PDE1A: variants seen among roughly 807,000 people sequenced by gnomAD.
The protein encoded by PDE1A is phosphodiesterase 1A, also known as dual specificity calcium/calmodulin-dependent 3',5'-cyclic nucleotide phosphodiesterase 1A.
PDE1A carries 35 observed loss-of-function variants against 61.7 expected under a neutral mutation model. That is an observed-to-expected ratio of 0.57 (90% CI 0.43 to 0.75). The LOEUF (loss-of-function observed/expected upper bound fraction) is 0.75, where lower values mean the gene tolerates loss of function less well. Among genes scored for constraint, PDE1A ranks in the 30% least tolerant of loss-of-function variants. The pLI is 0.00. For missense variants in PDE1A, 597 were observed against 630.6 expected (o/e 0.95, Z 0.57); for synonymous variants, 232 against 213.2 (o/e 1.09, Z -0.77).
At chr2:182,371,176 C>T (rs557286494) in intron 1 of PDE1A, among the ~76,000 whole-genome samples, 20 of 151,924 alleles carry the variant, frequency 1.3e-4, no homozygotes, top group Non-Finnish European at 2.8e-4. Context: ...AAAAAGACTA[C>T]GAAAAAAGTA....
chr2:182,145,546 G>A (rs1411814036), downstream of PDE1A, among the ~76,000 whole-genome samples: 1 of 151,884 alleles, frequency 6.6e-6, no homozygotes, highest in African/African-American at 2.4e-5. Context: ...TGGGCAACAC[G>A]CTGAAACCCT....
chr2:182,589,450 C>T, the PDE1A span, among the ~76,000 whole-genome samples: 2 of 151,654 alleles, frequency 1.3e-5, no homozygotes, highest in Admixed American at 6.6e-5. Context: ...ATAATAATAC[C>T]CTTAAAGAAA....
At chr2:182,361,569 T>C (rs915452131) in intron 1 of PDE1A, among the ~76,000 whole-genome samples, 5 of 152,100 alleles carry the variant, frequency 3.3e-5, no homozygotes, top group African/African-American at 1.2e-4. Flanking sequence ...CTTTAATTTC[T>C]ACACACACAG....
At chr2:182,527,373 TACAC>T (rs1559543492), upstream of PDE1A, among the ~76,000 whole-genome samples, 13 of 64,986 alleles carry the variant, frequency 2.0e-4, no homozygotes, top group African/African-American at 4.6e-4. Flanking sequence ...TATATATATA[TACAC>T]ATATATATAT....
At chr2:182,281,676 C>T (rs921667610) in intron 1 of PDE1A, among the ~76,000 whole-genome samples, 5 of 151,928 alleles carry the variant, frequency 3.3e-5, no homozygotes, top group Non-Finnish European at 5.9e-5. Context: ...TGATAAATAT[C>T]AGTGTGTCCA....
chr2:182,376,143 C>T (rs12621190), intron 1 of PDE1A, among the ~76,000 whole-genome samples: 30,841 of 152,240 alleles, frequency 0.2, 3,556 homozygotes, highest in East Asian at 0.45. Context: ...TAACATTTGG[C>T]TCCTTGTTAC....
the PDE1A span, among the ~76,000 whole-genome samples, chr2:182,605,837 GA>G: frequency 6.6e-6 from 1 of 152,176 alleles, no homozygotes; most frequent in African/African-American, 2.4e-5. Context: ...ATGTTAATGT[GA>G]ACTGTACTTG....
intron 1 of PDE1A, among the ~76,000 whole-genome samples, chr2:182,273,997 C>T (rs1693226630): frequency 6.6e-6 from 1 of 152,102 alleles, no homozygotes; most frequent in Non-Finnish European, 1.5e-5. Flanking sequence ...GAGGTGTTGG[C>T]AGATTCAATG....
intron 13 of PDE1A, among the ~76,000 whole-genome samples, chr2:182,162,082 C>A (rs991370718): frequency 6.6e-6 from 1 of 152,156 alleles, no homozygotes; most frequent in Non-Finnish European, 1.5e-5. Flanking sequence ...CCAGAAGATA[C>A]ACCTTTCACT....
chr2:182,493,733 T>C (rs6760333), intron 2 of PDE1A, among the ~76,000 whole-genome samples: 8,429 of 152,288 alleles, frequency 0.055, 254 homozygotes, highest in Middle Eastern at 0.099. Context: ...CACGACCGAA[T>C]ACTATGCAGC....
At chr2:182,611,095 A>G in the PDE1A span, among the ~76,000 whole-genome samples, 1 of 152,184 alleles carries the variant, frequency 6.6e-6, no homozygotes, top group Non-Finnish European at 1.5e-5. Flanking sequence ...AATCAGAGCT[A>G]TTGCCTTACA....
chr2:182,449,305 AAGAAAGAGAC>A (rs1685354036), intron 2 of PDE1A, among the ~76,000 whole-genome samples: 1 of 151,838 alleles, frequency 6.6e-6, no homozygotes, highest in Non-Finnish European at 1.5e-5. Flanking sequence ...CAGAGAAAGA[AAGAAAGAGAC>A]AGAGAGAGAG....
intron 1 of PDE1A, among the ~76,000 whole-genome samples, chr2:182,351,943 G>A (rs563390760): frequency 6.6e-6 from 1 of 152,276 alleles, no homozygotes; most frequent in South Asian, 2.1e-4. Context: ...TGCCAAAAAT[G>A]TATAAGAAAT....
chr2:182,622,280 A>G, the PDE1A span, among the ~76,000 whole-genome samples: 1 of 152,226 alleles, frequency 6.6e-6, no homozygotes, highest in Non-Finnish European at 1.5e-5. Flanking sequence ...CATGTCCTGG[A>G]ACCATCTATA....
At chr2:182,223,956 G>A (rs1417308293) in exon 7 of PDE1A, 1 of 1,600,320 alleles carries the variant, frequency 6.2e-7, no homozygotes, top group African/African-American at 1.3e-5. Context: ...CCAGTTCAGT[G>A]AGCCAGTGCT....
chr2:182,575,716 T>C, the PDE1A span, among the ~76,000 whole-genome samples: 541 of 145,664 alleles, frequency 3.7e-3, 2 homozygotes, highest in Middle Eastern at 0.033. Flanking sequence ...TGTATCTATA[T>C]ATATATAGAT....
the PDE1A span, among the ~76,000 whole-genome samples, chr2:182,598,145 T>C: frequency 2.6e-3 from 397 of 152,366 alleles, 1 homozygote; most frequent in African/African-American, 8.9e-3. Flanking sequence ...CTCAGAAACA[T>C]AGCCCAGAAA....
At chr2:182,596,274 C>G in the PDE1A span, among the ~76,000 whole-genome samples, 1 of 152,138 alleles carries the variant, frequency 6.6e-6, no homozygotes, top group Non-Finnish European at 1.5e-5. Context: ...CAGCTGCAGG[C>G]AGAGCACTGA....
At chr2:182,210,493 T>C (rs1687492270) in intron 7 of PDE1A, among the ~76,000 whole-genome samples, 1 of 152,238 alleles carries the variant, frequency 6.6e-6, no homozygotes, top group Non-Finnish European at 1.5e-5. Flanking sequence ...CATTTTTAAA[T>C]TAGGTTGTTA....
Sources: gnomAD v4.1 joint callset for allele counts (sites outside exome capture counted in the v4.1 genomes callset) on GRCh38, gnomAD v4.1.1 for gene constraint, MANE v1.5 for transcripts, NCBI Gene and HGNC (gene_info 2026-07-23, HGNC 2026-07-21) for gene names.